The following ROR2 variants were observed in gnomAD, a reference collection of about 807,000 sequenced individuals.
ROR2 encodes the protein tyrosine-protein kinase transmembrane receptor ROR2.
A neutral mutation model predicts 74.9 loss-of-function variants in ROR2; 33 were observed. The observed-to-expected ratio is 0.44, with a 90% CI of 0.33 to 0.59. The LOEUF is 0.59. Ranked by LOEUF, ROR2 falls within the 20% of genes least tolerant of loss-of-function variation. The pLI is 0.02. For synonymous variants in ROR2, 586 were observed against 558.7 expected (o/e 1.05, Z -0.69); for missense variants, 1,216 against 1,313.8 (o/e 0.93, Z 1.15).
chr9:91,847,896 A>G (rs764782109), intron 1 of ROR2, among the ~76,000 whole-genome samples: 33 of 152,194 alleles, frequency 2.2e-4, no homozygotes, highest in Non-Finnish European at 4.0e-4. Flanking sequence ...GGAAGGATGC[A>G]GGAGCCAGCT....
At chr9:91,851,602 G>A (rs533170679) in intron 1 of ROR2, among the ~76,000 whole-genome samples, 2 of 152,204 alleles carry the variant, frequency 1.3e-5, no homozygotes, top group East Asian at 3.9e-4. Flanking sequence ...AACTTACTGG[G>A]GTGCTAGTTG....
chr9:91,859,143 C>T (rs902480638), intron 1 of ROR2, among the ~76,000 whole-genome samples: 3 of 151,844 alleles, frequency 2.0e-5, no homozygotes, highest in African/African-American at 7.3e-5. Flanking sequence ...AAGGTAAAGA[C>T]CCTAGGCCAG....
chr9:91,887,730 G>A (rs1232289017), intron 1 of ROR2, among the ~76,000 whole-genome samples: 2 of 151,920 alleles, frequency 1.3e-5, no homozygotes, highest in African/African-American at 4.8e-5. Flanking sequence ...TAGGTATAAC[G>A]GGGCGTACAA....
In ROR2 at chr9:91,723,516, G is replaced by A. The variant is rs1836869303; in HGVS notation, c.*146C>T. 5 of 1,260,616 alleles carry A rather than the reference G, an allele frequency of 4.0e-6. No individual in the cohort carries two copies. The Admixed American group carries it at 1.1e-4, about 27-fold the overall frequency. The allele number at this position is 1,260,616 out of a possible 1,614,324, so 78.1% of individuals were successfully genotyped here. A position where few individuals can be genotyped will look rare whatever the true frequency, so the allele number is the denominator to read the frequency against. On this transcript the variant is annotated 3_prime_UTR_variant, in exon 9 of 9. Coordinates refer to ENST00000375708, the MANE Select transcript of ROR2 (RefSeq NM_004560.4). The stretch of plus-strand genomic sequence containing the variant: ...CTGTGTCAGAGGACAGAGAGGAGCA[G>A]GGCTCCACCTCACCCAGTCTGCAAA...
At chr9:91,829,571 A>AAAAAAAAAAAAC (rs1563986845) in intron 1 of ROR2, among the ~76,000 whole-genome samples, 2 of 151,214 alleles carry the variant, frequency 1.3e-5, no homozygotes, top group Non-Finnish European at 2.9e-5. Context: ...AAAAAAAAAA[A>AAAAAAAAAAAAC]AAGCACACAT....
intron 1 of ROR2, among the ~76,000 whole-genome samples, chr9:91,832,994 C>T (rs1744755893): frequency 6.6e-6 from 1 of 152,154 alleles, no homozygotes; most frequent in African/African-American, 2.4e-5. Context: ...GGGTAGGAGC[C>T]CACCAGCAAG....
intron 2 of ROR2, among the ~76,000 whole-genome samples, chr9:91,765,554 TA>T (rs1434632297): frequency 2.0e-5 from 3 of 152,242 alleles, no homozygotes; most frequent in Non-Finnish European, 4.4e-5. Context: ...GCTGGTAATG[TA>T]AATCTGGCTT....
At chr9:91,873,029 C>T (rs1439353505) in intron 1 of ROR2, among the ~76,000 whole-genome samples, 1 of 152,184 alleles carries the variant, frequency 6.6e-6, no homozygotes, top group Non-Finnish European at 1.5e-5. Flanking sequence ...TATTTAATGT[C>T]AACATTTTTG....
chr9:91,811,710 C>T (rs1228139776), intron 1 of ROR2, among the ~76,000 whole-genome samples: 1 of 152,244 alleles, frequency 6.6e-6, no homozygotes, highest in Non-Finnish European at 1.5e-5. Flanking sequence ...ACACCTGGAA[C>T]ATGCTGACAT....
rs746834375 is a variant in ROR2, at chr9:91,722,906, C to T, written c.*756G>A. ...TGATTCTTAACAAAAATAACAATAC[C>T]GTGTTCTGTACAATACTGCTTCCTC... is the stretch of plus-strand genomic sequence containing the variant. On this transcript the variant is annotated 3_prime_UTR_variant, in exon 9 of 9. Transcript: ENST00000375708. 4 of 397,536 alleles carry T rather than the reference C, an allele frequency of 1.0e-5. No homozygotes were observed. The highest frequency in any genetic ancestry group is 3.6e-5 in the Admixed American group (1 of 27,634). The allele number at this position is 397,536 out of a possible 1,614,324, so 24.6% of individuals were successfully genotyped here.
chr9:91,792,303 C>CT (rs1358505448), intron 1 of ROR2, among the ~76,000 whole-genome samples: 108 of 142,382 alleles, frequency 7.6e-4, no homozygotes, highest in Non-Finnish European at 1.1e-3. Flanking sequence ...AAAGTTGGTT[C>CT]TATTTTTTTT....
chr9:91,819,703 T>C (rs1311121058), intron 1 of ROR2, among the ~76,000 whole-genome samples: 2 of 152,162 alleles, frequency 1.3e-5, no homozygotes, highest in South Asian at 2.1e-4. Flanking sequence ...TGTTTTTCAG[T>C]GTGTTCTGTG....
At chr9:91,909,842 GTTTTGTTTTTTTT>G (rs1334980034) in intron 1 of ROR2, among the ~76,000 whole-genome samples, 15 of 55,998 alleles carry the variant, frequency 2.7e-4, no homozygotes, top group African/African-American at 8.2e-4. Context: ...TTTTAGGTTT[GTTTTGTTTTTTTT>G]TTTTTTTTTT....
chr9:91,902,540 A>G (rs1332203193), intron 1 of ROR2, among the ~76,000 whole-genome samples: 1 of 152,064 alleles, frequency 6.6e-6, no homozygotes, highest in Non-Finnish European at 1.5e-5. Flanking sequence ...CTGAACTGCC[A>G]AGGATCTCCG....
chr9:91,724,140 C>A lies in ROR2; in HGVS notation c.2354G>T (p.Arg785Leu). 6.2e-7 allele frequency: 1 copy of A among 1,611,236 alleles called. No individual in the cohort carries two copies. Among genetic ancestry groups the A allele is most frequent in the South Asian group, 1.1e-5 (1 of 91,078 alleles). The change falls in exon 9 of 9, where the codon CGC becomes CTC. Residue 785 changes from arginine to leucine, a missense_variant. Arg to Leu is a moderately radical substitution (Grantham distance 102, BLOSUM62 -2). Transcript: ENST00000375708. Reference protein sequence around the residue: ...TSPVSNVSNARYVGPKQKAPP... With the variant: ...TSPVSNVSNALYVGPKQKAPP... ...GGCCTTCTGCTTGGGCCCCACGTAG[C>A]GGGCGTTGCTCACATTGCTCACTGG...
At chr9:91,925,052 A>G (rs1831361560) in intron 1 of ROR2, among the ~76,000 whole-genome samples, 1 of 151,982 alleles carries the variant, frequency 6.6e-6, no homozygotes, top group South Asian at 2.1e-4. Context: ...GGATCCCACT[A>G]TGTTGCCCAG....
intron 2 of ROR2, among the ~76,000 whole-genome samples, chr9:91,767,933 G>A (rs1826110518): frequency 6.6e-6 from 1 of 152,210 alleles, no homozygotes; most frequent in Admixed American, 6.5e-5. Flanking sequence ...TTTGGAAACA[G>A]GGTCACTGCA....
chr9:91,875,103 T>C (rs73519111), intron 1 of ROR2, among the ~76,000 whole-genome samples: 4,541 of 152,252 alleles, frequency 0.03, 164 homozygotes, highest in Middle Eastern at 0.092. Context: ...TCTCCAACTT[T>C]AGAAGACATT....
chr9:91,867,656 C>CTGTGTGTGTGTGTGTGTGTGTGTG (rs57475950), intron 1 of ROR2, among the ~76,000 whole-genome samples: 56 of 131,380 alleles, frequency 4.3e-4, no homozygotes, highest in Non-Finnish European at 7.0e-4. Context: ...CACCCATGAG[C>CTGTGTGTGTGTGTGTGTGTGTGTG]TGTGTGTGTG....
Sources: gnomAD v4.1 joint callset for allele counts (sites outside exome capture counted in the v4.1 genomes callset) on GRCh38, gnomAD v4.1.1 for gene constraint, MANE v1.5 for transcripts, NCBI Gene and HGNC (gene_info 2026-07-23, HGNC 2026-07-21) for gene names.